PCLO: variants seen among roughly 807,000 people sequenced by gnomAD.
The protein encoded by PCLO is protein piccolo.
Under a neutral mutation model 427.5 loss-of-function variants are expected in PCLO, and 82 were observed. That is an observed-to-expected ratio of 0.19 (90% CI 0.16 to 0.23). PCLO has a LOEUF of 0.23. PCLO is among the 10% of genes least tolerant of loss of function. The pLI is 1.00. For synonymous variants in PCLO, 2,357 were observed against 2,155.4 expected (o/e 1.09, Z -2.59); for missense variants, 6,239 against 6,115.9 (o/e 1.02, Z -0.67).
chr7:82,947,188 T>C lies in PCLO; in HGVS notation c.11112+2288A>G, dbSNP rs141976231. Among the ~76,000 whole-genome samples the C allele has an allele frequency of 3.1e-3, 475 of 152,284 alleles. 3 individuals carry two copies. Among genetic ancestry groups the C allele is most frequent in the Non-Finnish European group, 5.3e-3 (362 of 68,026 alleles). On this transcript the variant is annotated intron_variant, in intron 6 of 24. Coordinates refer to ENST00000333891, the MANE Select transcript of PCLO (RefSeq NM_033026.6). The stretch of plus-strand genomic sequence containing the variant: ...ATCTTCATGACTCAGACCTCTTCTT[T>C]GCAACCTCTCCTGACACTTTCAGGA...
intron 4 of PCLO, among the ~76,000 whole-genome samples, chr7:82,961,932 C>A (rs966761670): frequency 6.6e-5 from 10 of 152,122 alleles, no homozygotes; most frequent in Admixed American, 5.2e-4. Flanking sequence ...TGTTAAAGAT[C>A]AAACTAGTAA....
Position 83,040,665 on chromosome 7 carries a change from A to G in PCLO, c.3301-74178T>C, listed in dbSNP as rs148115561. On this transcript the variant is annotated intron_variant, in intron 3 of 24. Transcript: ENST00000333891. ...TAATAAATCTATCAATCATCTCCCC[A>G]TTGTCTTTCACTACAACTTCCTCTT... Among the ~76,000 whole-genome samples, 626 of 152,136 alleles carry G rather than the reference A, an allele frequency of 4.1e-3. 1 individual carries two copies. The highest frequency in any genetic ancestry group is 0.014 in the African/African-American group (564 of 41,500).
chr7:83,160,753 A>G (rs920720631), intron 1 of PCLO, among the ~76,000 whole-genome samples: 1 of 152,160 alleles, frequency 6.6e-6, no homozygotes, highest in Admixed American at 6.5e-5. Context: ...AAAGTTAGAA[A>G]TCTAGAAATC....
Position 82,756,421 on chromosome 7 carries a change from C to T in PCLO, c.*2154G>A, listed in dbSNP as rs1790319392. 1 of 151,830 alleles carries T rather than the reference C, an allele frequency of 6.6e-6. No homozygotes were observed. Among genetic ancestry groups the T allele is most frequent in the Non-Finnish European group, 1.5e-5 (1 of 67,982 alleles). 9.4% of individuals were successfully genotyped at this position (151,830 alleles called of 1,614,324 possible). On this transcript the variant is annotated 3_prime_UTR_variant, in exon 25 of 25. Transcript: ENST00000333891. ...CCACTCTCCCATGCTCATTTGAGAG[C>T]AATGTCAATGGTAAATGACATTGTA...
At chr7:82,919,273 A>C (rs916913455) in intron 6 of PCLO, among the ~76,000 whole-genome samples, 15 of 151,952 alleles carry the variant, frequency 9.9e-5, no homozygotes, top group Admixed American at 3.9e-4. Flanking sequence ...CATGTCAGGA[A>C]AGTTCTAGTG....
intron 3 of PCLO, among the ~76,000 whole-genome samples, chr7:83,110,665 A>C (rs2116521744): frequency 6.6e-6 from 1 of 152,292 alleles, no homozygotes; most frequent in African/African-American, 2.4e-5. Context: ...GACTTGAGTA[A>C]TCTAACTTCC....
intron 6 of PCLO, among the ~76,000 whole-genome samples, chr7:82,947,744 T>A (rs1421481970): frequency 2.6e-5 from 4 of 152,150 alleles, no homozygotes; most frequent in African/African-American, 7.2e-5. Flanking sequence ...ATTTGGTAAT[T>A]CTACTCAACT....
chr7:82,758,735 A>G lies in PCLO; in HGVS notation c.15289-20T>C, dbSNP rs753307196. Reference sequence around the variant, plus strand: ...TAAAATCTAGAAAAAATAGGCAAAAATAAACATATTTAATTTATACACATA... The same window carrying G: ...TAAAATCTAGAAAAAATAGGCAAAAGTAAACATATTTAATTTATACACATA... On this transcript the variant is annotated intron_variant, in intron 24 of 24. Coordinates refer to ENST00000333891, the MANE Select transcript of PCLO (RefSeq NM_033026.6). 2.2e-5 allele frequency: 32 copies of G among 1,469,670 alleles called. No homozygotes were observed. The highest frequency in any genetic ancestry group is 2.5e-5 in the Non-Finnish European group (26 of 1,055,762). The allele number at this position is 1,469,670 out of a possible 1,614,324, so 91.0% of individuals were successfully genotyped here. A position where few individuals can be genotyped will look rare whatever the true frequency, so the allele number is the denominator to read the frequency against.
intron 6 of PCLO, among the ~76,000 whole-genome samples, chr7:82,929,483 TA>T (rs1450924778): frequency 6.6e-6 from 1 of 152,122 alleles, no homozygotes; most frequent in Non-Finnish European, 1.5e-5. Flanking sequence ...AAAATCAAAA[TA>T]ATCTACAATG....
In PCLO at chr7:82,950,194, T is replaced by C. The variant is rs533195441; in HGVS notation, c.10394A>G (p.Lys3465Arg). 6.8e-6 allele frequency: 11 copies of C among 1,611,968 alleles called. No homozygotes were observed. The East Asian group carries it at 2.5e-4, about 36-fold the overall frequency. ...TTGGACGCTTGTATCCACACTCTTT[T>C]TAGTTCTCCTTCTCCTACTCACATA... The part of the protein sequence containing the change: ...RSYVSRRRRT[K>R]KSVDTSVQTD... Residue 3465 changes from lysine (K) to arginine (R), a missense_variant, in exon 6 of 25, where the codon AAA (lysine) becomes AGA (arginine). Around this residue, in one of 5 missense-constraint regions of PCLO, gnomAD observed 4,677 missense variants for 4,468.4 expected, o/e 1.05. Transcript: ENST00000333891.
intron 22 of PCLO, among the ~76,000 whole-genome samples, chr7:82,770,269 T>C (rs750865795): frequency 3.3e-5 from 5 of 152,222 alleles, no homozygotes; most frequent in South Asian, 2.1e-4. Context: ...AAATTAGATT[T>C]TCAATTGACA....
intron 3 of PCLO, among the ~76,000 whole-genome samples, chr7:83,059,769 G>C (rs1449071226): frequency 2.0e-5 from 3 of 151,568 alleles, no homozygotes; most frequent in African/African-American, 7.3e-5. Context: ...GTGAAGGAGA[G>C]AGCAACCAAG....
chr7:83,062,513 T>C (rs1377353017), intron 3 of PCLO, among the ~76,000 whole-genome samples: 1 of 152,126 alleles, frequency 6.6e-6, no homozygotes, highest in East Asian at 1.9e-4. Context: ...AAAAATAATA[T>C]CTAAGTAGAT....
chr7:82,761,268 A>C (rs955036718), intron 23 of PCLO, 91 bp downstream of exon 23: 3 of 676,084 alleles, frequency 4.4e-6, no homozygotes, highest in Non-Finnish European at 7.2e-6. Flanking sequence ...TTTGGTGTAC[A>C]GTTCAAATTT....
chr7:83,056,511 T>C (rs924846535), intron 3 of PCLO, among the ~76,000 whole-genome samples: 1 of 152,224 alleles, frequency 6.6e-6, no homozygotes, highest in African/African-American at 2.4e-5. Context: ...GCACTTGTCT[T>C]TACACAGTTA....
intron 9 of PCLO, 30 bp downstream of exon 9, chr7:82,902,617 CAAAA>C (rs750224864): frequency 7.9e-7 from 1 of 1,272,346 alleles, no homozygotes; most frequent in African/African-American, 1.5e-5. Flanking sequence ...AACAAAAAAA[CAAAA>C]AAAATATTAG....
chr7:83,159,099 C>A (rs1260276032), intron 1 of PCLO, among the ~76,000 whole-genome samples: 1 of 152,022 alleles, frequency 6.6e-6, no homozygotes, highest in African/African-American at 2.4e-5. Flanking sequence ...AGTAGATGAG[C>A]ATTAATATTT....
At chr7:82,841,113 C>G (rs1450889835) in intron 14 of PCLO, among the ~76,000 whole-genome samples, 1 of 151,492 alleles carries the variant, frequency 6.6e-6, no homozygotes, top group Non-Finnish European at 1.5e-5. Flanking sequence ...AGAAAAAATC[C>G]CAGTAGACTC....
chr7:83,162,535 C>A lies in PCLO; in HGVS notation c.58G>T (p.Ala20Ser), dbSNP rs115037577. 3.6e-5 allele frequency: 56 copies of A among 1,553,656 alleles called. No individual in the cohort carries two copies. Among genetic ancestry groups the A allele is most frequent in the Non-Finnish European group, 4.6e-5 (53 of 1,150,030 alleles). Reference protein sequence around the residue: ...EGLPEGLAAAAAAGGGASGAG... With the variant: ...EGLPEGLAAASAAGGGASGAG... ...CCGCTAGCTCCTCCTCCAGCCGCTG[C>A]GGCCGCCGCCAGCCCTTCGGGGAGC... Residue 20 changes from alanine (A) to serine (S), a missense_variant, in exon 1 of 25, where the codon GCA becomes TCA. Physicochemically the swap from Ala to Ser is moderately conservative, Grantham distance 99. This residue lies in a region of PCLO where 4,677 missense variants were observed against 4,468.4 expected (regional missense o/e 1.05). Coordinates refer to ENST00000333891, the MANE Select transcript of PCLO (RefSeq NM_033026.6).
Sources: allele counts gnomAD v4.1 joint callset (sites outside exome capture counted in the v4.1 genomes callset), GRCh38; gene constraint gnomAD v4.1.1; regional missense constraint gnomAD v4.1.1; transcripts MANE v1.5; gene names NCBI Gene and HGNC (gene_info 2026-07-23, HGNC 2026-07-21).